CDC42BPB: variants seen among roughly 807,000 people sequenced by gnomAD.
CDC42BPB encodes the protein CDC42 binding protein kinase beta.
A neutral mutation model predicts 214.9 loss-of-function variants in CDC42BPB; 37 were observed. The ratio of observed to expected loss-of-function variants is 0.17; its 90% CI spans 0.13 to 0.23. CDC42BPB has a LOEUF of 0.23. Among genes scored for constraint, CDC42BPB ranks in the 10% least tolerant of loss-of-function variants. The probability of loss-of-function intolerance (pLI) is 1.00; values close to 1 mark genes in which losing one functional copy is unlikely to be tolerated. For synonymous variants in CDC42BPB, 931 were observed against 884.0 expected (o/e 1.05, Z -0.94); for missense variants, 1,694 against 2,227.0 (o/e 0.76, Z 4.82).
intron 1 of CDC42BPB, among the ~76,000 whole-genome samples, chr14:103,048,448 G>T (rs1361354597): frequency 3.3e-5 from 5 of 149,562 alleles, no homozygotes; most frequent in African/African-American, 1.2e-4. Context: ...CAGCACTCTG[G>T]GAGGATGAGG....
chr14:102,964,489 T>C lies in CDC42BPB; in HGVS notation c.2726+13A>G, dbSNP rs753595846. The C allele has an allele frequency of 4.0e-5, 65 of 1,612,828 alleles. No individual in the cohort carries two copies. Among genetic ancestry groups the C allele is most frequent in the Middle Eastern group, 1.6e-4 (1 of 6,078 alleles). On this transcript the variant is annotated intron_variant, in intron 19 of 36. Coordinates refer to ENST00000361246, the MANE Select transcript of CDC42BPB (RefSeq NM_006035.4). ...ACTGCTCCTACCTGGAGTCAGACCC[T>C]GGCACCAAGTACCTTTCCAAGGTGA...
At chr14:102,936,192 T>G (rs536442732) in intron 36 of CDC42BPB, among the ~76,000 whole-genome samples, 26 of 152,284 alleles carry the variant, frequency 1.7e-4, no homozygotes, top group African/African-American at 5.5e-4. Flanking sequence ...AATTTGGTGG[T>G]TCCTCAAAAA....
intron 21 of CDC42BPB, among the ~76,000 whole-genome samples, chr14:102,957,198 CAAAAAAA>C (rs1169886657): frequency 9.0e-5 from 3 of 33,412 alleles, no homozygotes; most frequent in South Asian, 2.8e-3. Context: ...AAGACTGTCT[CAAAAAAA>C]AAAAAAAAAA....
At chr14:102,960,434 C>G (rs1892907888) in intron 20 of CDC42BPB, among the ~76,000 whole-genome samples, 2 of 151,886 alleles carry the variant, frequency 1.3e-5, no homozygotes, top group Non-Finnish European at 2.9e-5. Context: ...CTGGGCAACA[C>G]AGAGAGACCC....
At chr14:102,988,631 C>T (rs2139550195) in intron 5 of CDC42BPB, among the ~76,000 whole-genome samples, 1 of 152,086 alleles carries the variant, frequency 6.6e-6, no homozygotes, top group Middle Eastern at 3.4e-3. Context: ...AGAAACAAAC[C>T]AACTACATAA....
At chr14:102,990,318 T>C (rs1894435027) in intron 5 of CDC42BPB, among the ~76,000 whole-genome samples, 2 of 152,002 alleles carry the variant, frequency 1.3e-5, no homozygotes, top group African/African-American at 4.8e-5. Flanking sequence ...AGGTGAGGGG[T>C]GCAGTCCCAA....
At chr14:102,965,584 T>A (rs1440045260) in intron 18 of CDC42BPB, among the ~76,000 whole-genome samples, 1 of 152,154 alleles carries the variant, frequency 6.6e-6, no homozygotes, top group East Asian at 1.9e-4. Flanking sequence ...TTTTTCTTTT[T>A]TAAAACAAAC....
At chr14:102,950,781 C>T in intron 24 of CDC42BPB, 179 bp from the exon 25 acceptor site, 1 of 642,312 alleles carries the variant, frequency 1.6e-6, no homozygotes. Flanking sequence ...GCCTGGCCAA[C>T]ATGGTGAAAT....
chr14:102,986,433 T>C, intron 6 of CDC42BPB, 54 bp downstream of exon 6: 1 of 1,267,504 alleles, frequency 7.9e-7, no homozygotes, highest in Middle Eastern at 1.9e-4. Flanking sequence ...ACTTCCCTTC[T>C]GACTATATGC....
intron 14 of CDC42BPB, among the ~76,000 whole-genome samples, chr14:102,969,331 G>A (rs1459149267): frequency 6.6e-6 from 1 of 152,178 alleles, no homozygotes; most frequent in African/African-American, 2.4e-5. Context: ...GGCTGGAGCA[G>A]GCAGGAGGGT....
At position 102,999,736 on chromosome 14, in the gene CDC42BPB, G is replaced by A. The variant is rs567283552; in HGVS notation, c.448-23C>T. The A allele has an allele frequency of 1.1e-3, 1,793 of 1,613,970 alleles. 36 individuals carry two copies. The South Asian group carries it at 0.019, about 17-fold the overall frequency. ...GTACTACAAATTGGAAAGAGAAGGGGAGAGAATACCACATTTAGTCACCAC... is the reference window on the plus strand; with the variant it reads ...GTACTACAAATTGGAAAGAGAAGGGAAGAGAATACCACATTTAGTCACCAC... On this transcript the variant is annotated intron_variant, in intron 4 of 36. Transcript: ENST00000361246.
In CDC42BPB at chr14:103,004,844, G is replaced by A. The variant is rs540378893; in HGVS notation, c.352-821C>T. 2.5e-4 allele frequency among the ~76,000 whole-genome samples: 38 copies of A among 151,702 alleles called. No homozygotes were observed. The highest frequency in any genetic ancestry group is 4.9e-4 in the Non-Finnish European group (33 of 67,972). On this transcript the variant is annotated intron_variant, in intron 3 of 36. Coordinates refer to ENST00000361246, the MANE Select transcript of CDC42BPB (RefSeq NM_006035.4). This position sits in a 1 kb window ranked among gnomAD's most constrained non-coding sequence, Gnocchi z 5.3. ...AAATTGCATCACCGTACTCCAGCCT[G>A]GACGACAGAGCCAGACTCCATCTCA...
intron 13 of CDC42BPB, 163 bp from the exon 14 acceptor site, chr14:102,970,424 T>G (rs1566868602): frequency 1.0e-6 from 1 of 979,482 alleles, no homozygotes; most frequent in Non-Finnish European, 1.2e-6. Context: ...GAAATACACT[T>G]CTGGGTTCAA....
At chr14:102,967,944 A>C (rs1449545256) in intron 16 of CDC42BPB, among the ~76,000 whole-genome samples, 1 of 151,920 alleles carries the variant, frequency 6.6e-6, no homozygotes. Context: ...AAATACAAAA[A>C]CTTAGCCAGG....
intron 30 of CDC42BPB, among the ~76,000 whole-genome samples, chr14:102,941,941 T>C (rs898569161): frequency 6.6e-6 from 1 of 152,242 alleles, no homozygotes; most frequent in South Asian, 2.1e-4. Context: ...GCATCTGCAC[T>C]GTGCCCGCAG....
intron 34 of CDC42BPB, chr14:102,938,691 T>C: frequency 2.7e-6 from 1 of 372,362 alleles, no homozygotes; most frequent in Non-Finnish European, 3.7e-6. Context: ...TGCAATGACG[T>C]GATCTCGGCT....
chr14:103,051,644 G>A (rs939033131), intron 1 of CDC42BPB, among the ~76,000 whole-genome samples: 1 of 152,260 alleles, frequency 6.6e-6, no homozygotes, highest in Non-Finnish European at 1.5e-5. Flanking sequence ...CTGCAGTGTT[G>A]TGAGTTCTGT....
chr14:102,983,391 C>T (rs189655363), intron 7 of CDC42BPB, among the ~76,000 whole-genome samples, 165 bp downstream of exon 7: 1 of 152,226 alleles, frequency 6.6e-6, no homozygotes, highest in East Asian at 1.9e-4. Context: ...GATGCCCTCT[C>T]CAATGTCTAC....
At chr14:102,935,140 A>G (rs1398620181) in intron 36 of CDC42BPB, among the ~76,000 whole-genome samples, 1 of 152,222 alleles carries the variant, frequency 6.6e-6, no homozygotes, top group Non-Finnish European at 1.5e-5. Context: ...AACAGAAATG[A>G]AAAGGATTCC....
Sources: gnomAD v4.1 joint callset for allele counts (sites outside exome capture counted in the v4.1 genomes callset) on GRCh38, gnomAD v4.1.1 for gene constraint, Gnocchi (gnomAD v3.1) non-coding constraint, MANE v1.5 for transcripts, NCBI Gene and HGNC (gene_info 2026-07-23, HGNC 2026-07-21) for gene names.